Variants in SLC35F4 observed in about 807,000 individuals in gnomAD.
The protein encoded by SLC35F4 is solute carrier family 35 member F4.
In SLC35F4, 24 loss-of-function variants were observed where a neutral mutation model predicts 44.2. The observed-to-expected ratio is 0.54, with a 90% CI of 0.39 to 0.76. SLC35F4 has a LOEUF of 0.76. SLC35F4 is among the 30% of genes least tolerant of loss of function. The pLI, the probability that SLC35F4 is intolerant of heterozygous loss-of-function variation, is 0.00. For missense variants in SLC35F4, 562 were observed against 586.1 expected (o/e 0.96, Z 0.42); for synonymous variants, 238 against 223.6 (o/e 1.06, Z -0.57).
chr14:57,733,771 T>C (rs1458549544), intron 1 of SLC35F4, among the ~76,000 whole-genome samples: 1 of 152,114 alleles, frequency 6.6e-6, no homozygotes, highest in African/African-American at 2.4e-5. Context: ...TGATTATTAA[T>C]TCAGGGCCTA....
At position 57,824,916 on chromosome 14, in the gene SLC35F4, T is replaced by C. The variant is rs529866979; in HGVS notation, c.103+40807A>G. On this transcript the variant is annotated intron_variant, in intron 1 of 7. Transcript: ENST00000556826. Reference sequence around the variant, plus strand: ...TTAAAGATGATATCATCTTGATTAATATTAAAAAGATCCCTCTAGCTTCCG... The same window carrying C: ...TTAAAGATGATATCATCTTGATTAACATTAAAAAGATCCCTCTAGCTTCCG... 2.6e-5 allele frequency among the ~76,000 whole-genome samples: 4 copies of C among 152,198 alleles called. No homozygotes were observed. The South Asian group carries it at 8.3e-4, about 32-fold the overall frequency.
intron 1 of SLC35F4, among the ~76,000 whole-genome samples, chr14:57,675,370 T>C (rs911622647): frequency 6.6e-6 from 1 of 152,098 alleles, no homozygotes; most frequent in Non-Finnish European, 1.5e-5. Context: ...GCACCAAAAG[T>C]AAGCTGGATT....
At chr14:57,664,845 T>A (rs752643120) in intron 1 of SLC35F4, among the ~76,000 whole-genome samples, 8 of 152,166 alleles carry the variant, frequency 5.3e-5, no homozygotes, top group Non-Finnish European at 1.0e-4. Context: ...CCTGTCCCAA[T>A]GATCTGAAAA....
At chr14:57,736,523 C>T (rs761576945) in intron 1 of SLC35F4, among the ~76,000 whole-genome samples, 2 of 152,164 alleles carry the variant, frequency 1.3e-5, no homozygotes, top group South Asian at 2.1e-4. Context: ...TGCACCCCCA[C>T]GATGTTGCAG....
chr14:57,979,619 G>A (rs1366453840), intron 1 of SLC35F4, among the ~76,000 whole-genome samples: 2 of 152,096 alleles, frequency 1.3e-5, no homozygotes, highest in Non-Finnish European at 2.9e-5. Context: ...TAATGCCCAC[G>A]TAGCTAACCT....
chr14:57,581,347 A>G lies in SLC35F4; in HGVS notation c.674T>C (p.Leu225Ser), dbSNP rs768152284. 1 of 1,613,556 alleles carries G rather than the reference A, an allele frequency of 6.2e-7. No homozygotes were observed. Among genetic ancestry groups the G allele is most frequent in the Non-Finnish European group, 8.5e-7 (1 of 1,179,710 alleles). Reference sequence around the variant, plus strand: ...AGCCAGTAAATAAAGGTAATTAGTCAAAGTCCATAGAATAGAAAAGGGAGC... The same window carrying G: ...AGCCAGTAAATAAAGGTAATTAGTCGAAGTCCATAGAATAGAAAAGGGAGC... ...RTAPFSILWT[L>S]TNYLYLLALK... Residue 225 changes from leucine to serine, a missense_variant, in exon 4 of 8, where the codon TTG becomes TCG. Leu to Ser is a moderately radical substitution (Grantham distance 145). Coordinates refer to ENST00000556826, the MANE Select transcript of SLC35F4 (RefSeq NM_001306087.2).
chr14:57,705,881 T>C (rs1313185441), intron 1 of SLC35F4, among the ~76,000 whole-genome samples: 1 of 152,170 alleles, frequency 6.6e-6, no homozygotes, highest in Non-Finnish European at 1.5e-5. Flanking sequence ...TTTTTCTCCC[T>C]AACTAGAGGT....
chr14:57,566,430 G>T, intron 7 of SLC35F4, 45 bp downstream of exon 7: 1 of 1,518,364 alleles, frequency 6.6e-7, no homozygotes, highest in Middle Eastern at 1.7e-4. Flanking sequence ...ACAAGCAAGA[G>T]ACTTGTAGTG....
chr14:57,844,561 A>G (rs1212887327), intron 1 of SLC35F4, among the ~76,000 whole-genome samples: 3 of 152,342 alleles, frequency 2.0e-5, no homozygotes, highest in Admixed American at 6.5e-5. Context: ...TCAGGCACAC[A>G]TAACTCAAAA....
rs531895539 is a variant in SLC35F4 at position 57,713,083 on chromosome 14, C to A, written c.104-118959G>T. ...CCTCTTTCCAGATTAAATCAAGTCA[C>A]CAAATTCTGCTCATTCTCCCAATTA... On this transcript the variant is annotated intron_variant, in intron 1 of 7. Coordinates refer to ENST00000556826, the MANE Select transcript of SLC35F4 (RefSeq NM_001306087.2). Among the ~76,000 whole-genome samples, 3 of 152,164 alleles carry A rather than the reference C, an allele frequency of 2.0e-5. No homozygotes were observed. In the East Asian group the frequency reaches 5.8e-4, roughly 29 times the overall value.
chr14:57,824,846 G>A (rs924536566), intron 1 of SLC35F4, among the ~76,000 whole-genome samples: 1 of 152,118 alleles, frequency 6.6e-6, no homozygotes, highest in Non-Finnish European at 1.5e-5. Context: ...AAGGATTATG[G>A]ATTTTACATT....
At chr14:57,784,780 C>G (rs527816200) in intron 1 of SLC35F4, among the ~76,000 whole-genome samples, 1 of 152,254 alleles carries the variant, frequency 6.6e-6, no homozygotes, top group African/African-American at 2.4e-5. Flanking sequence ...ACCTAACTCT[C>G]TTGCCTCCCC....
chr14:57,765,040 G>A (rs551701065), intron 1 of SLC35F4, among the ~76,000 whole-genome samples: 2 of 152,278 alleles, frequency 1.3e-5, no homozygotes, highest in South Asian at 2.1e-4. Context: ...CTTAATCTCA[G>A]GCACTGATCT....
At chr14:57,937,620 GAAA>G (rs1180891569) in intron 1 of SLC35F4, among the ~76,000 whole-genome samples, 1 of 128,002 alleles carries the variant, frequency 7.8e-6, no homozygotes, top group Admixed American at 7.5e-5. Context: ...GAAAAGAAAA[GAAA>G]AGAAAAGAAA....
intron 1 of SLC35F4, among the ~76,000 whole-genome samples, chr14:57,689,276 A>G (rs1328027448): frequency 6.6e-6 from 1 of 152,068 alleles, no homozygotes; most frequent in Non-Finnish European, 1.5e-5. Flanking sequence ...CCCCCAGGCC[A>G]TTCACCCTGT....
chr14:57,811,525 T>G (rs183430886), intron 1 of SLC35F4, among the ~76,000 whole-genome samples: 135 of 152,360 alleles, frequency 8.9e-4, no homozygotes, highest in Non-Finnish European at 1.5e-3. Context: ...GCAGGTGTTT[T>G]CAGTTTGTAA....
chr14:57,598,168 C>A (rs2070604989), intron 1 of SLC35F4, among the ~76,000 whole-genome samples: 1 of 152,168 alleles, frequency 6.6e-6, no homozygotes, highest in Non-Finnish European at 1.5e-5. Context: ...TGGGTACCAG[C>A]TTCATGTCTT....
intron 1 of SLC35F4, among the ~76,000 whole-genome samples, chr14:57,925,499 G>A (rs28498551): frequency 0.096 from 1,495 of 15,632 alleles, 38 homozygotes; most frequent in East Asian, 0.43. Flanking sequence ...GGAAGGAAGG[G>A]AGGGAGGGAG....
chr14:57,601,264 G>A (rs1424142119), intron 1 of SLC35F4, among the ~76,000 whole-genome samples: 1 of 151,708 alleles, frequency 6.6e-6, no homozygotes, highest in Admixed American at 6.6e-5. Context: ...ATGTAAATCT[G>A]AATTATTTAG....
Sources: allele counts gnomAD v4.1 joint callset (sites outside exome capture counted in the v4.1 genomes callset), GRCh38; gene constraint gnomAD v4.1.1; transcripts MANE v1.5; gene names NCBI Gene and HGNC (gene_info 2026-07-23, HGNC 2026-07-21).